DGKB: variants seen among roughly 807,000 people sequenced by gnomAD.
DGKB encodes the protein diacylglycerol kinase beta.
In DGKB, 67 loss-of-function variants were observed where a neutral mutation model predicts 114.3. The observed-to-expected ratio is 0.59, with a 90% CI of 0.48 to 0.72. The LOEUF (loss-of-function observed/expected upper bound fraction) is 0.72. DGKB is among the 30% of genes least tolerant of loss of function. The probability of loss-of-function intolerance (pLI) is 0.00; values close to 1 mark genes in which losing one functional copy is unlikely to be tolerated. For missense variants in DGKB, 907 were observed against 975.2 expected, an observed-to-expected ratio of 0.93 and a Z score of 0.93; for synonymous variants, 398 against 323.1, an observed-to-expected ratio of 1.23 and a Z score of -2.49.
intron 23 of DGKB, among the ~76,000 whole-genome samples, chr7:14,247,359 T>C (rs781112137): frequency 7.2e-5 from 11 of 152,176 alleles, no homozygotes; most frequent in Admixed American, 3.3e-4. Flanking sequence ...CATTTTCTTA[T>C]ATGTACCCAG....
intron 21 of DGKB, among the ~76,000 whole-genome samples, chr7:14,363,094 C>T (rs1445746513): frequency 1.3e-5 from 2 of 152,120 alleles, no homozygotes; most frequent in East Asian, 3.9e-4. Context: ...GAGGGAGACA[C>T]AGTATCCTGG....
chr7:14,941,623 G>A (rs1264454757), intron 1 of DGKB, among the ~76,000 whole-genome samples: 2 of 151,998 alleles, frequency 1.3e-5, no homozygotes, highest in Non-Finnish European at 2.9e-5. Flanking sequence ...ATTAATGAGG[G>A]TGATTTAAAT....
At chr7:14,378,484 A>G (rs1442636579) in intron 21 of DGKB, among the ~76,000 whole-genome samples, 1 of 152,214 alleles carries the variant, frequency 6.6e-6, no homozygotes, top group African/African-American at 2.4e-5. Flanking sequence ...CTGTAAATCT[A>G]AAGTTATTCC....
intron 23 of DGKB, among the ~76,000 whole-genome samples, chr7:14,304,046 A>AAC (rs773102280): frequency 0.04 from 4,531 of 112,694 alleles, 268 homozygotes; most frequent in African/African-American, 0.13. Context: ...GTTCTTATAG[A>AAC]ACACACACAC....
intron 21 of DGKB, among the ~76,000 whole-genome samples, chr7:14,477,360 G>T (rs946700630): frequency 6.6e-6 from 1 of 152,154 alleles, no homozygotes; most frequent in Non-Finnish European, 1.5e-5. Flanking sequence ...CCTTGGCTTT[G>T]AATATTAATA....
chr7:14,494,670 C>T (rs1258581720), intron 20 of DGKB, among the ~76,000 whole-genome samples: 1 of 151,922 alleles, frequency 6.6e-6, no homozygotes, highest in Non-Finnish European at 1.5e-5. Flanking sequence ...ATCACTCATT[C>T]TCTGACATCA....
intron 17 of DGKB, among the ~76,000 whole-genome samples, chr7:14,584,042 A>G (rs1451517185): frequency 1.3e-5 from 2 of 152,248 alleles, no homozygotes; most frequent in East Asian, 3.9e-4. Flanking sequence ...TATTACACAC[A>G]TATTTTCAAC....
chr7:14,862,674 G>A (rs905978325), intron 1 of DGKB, among the ~76,000 whole-genome samples: 2 of 151,802 alleles, frequency 1.3e-5, no homozygotes, highest in African/African-American at 4.8e-5. Flanking sequence ...CCTTATATAC[G>A]GACTAAATGT....
At chr7:14,660,875 A>C (rs916739064) in intron 13 of DGKB, among the ~76,000 whole-genome samples, 1 of 152,034 alleles carries the variant, frequency 6.6e-6, no homozygotes, top group Non-Finnish European at 1.5e-5. Context: ...AATGGAACAG[A>C]ACAGAACCCT....
At chr7:14,160,400 T>A (rs958313077) in intron 25 of DGKB, among the ~76,000 whole-genome samples, 7 of 152,198 alleles carry the variant, frequency 4.6e-5, no homozygotes, top group Admixed American at 2.0e-4. Context: ...CCAAAACTCC[T>A]TAAGCTGATA....
At chr7:14,497,111 T>C (rs1785416677) in intron 20 of DGKB, among the ~76,000 whole-genome samples, 2 of 151,738 alleles carry the variant, frequency 1.3e-5, no homozygotes, top group Non-Finnish European at 2.9e-5. Flanking sequence ...CGCATGTTCT[T>C]ATTTATAAGT....
chr7:14,793,954 C>T (rs2128026915), intron 2 of DGKB, among the ~76,000 whole-genome samples: 1 of 152,150 alleles, frequency 6.6e-6, no homozygotes, highest in African/African-American at 2.4e-5. Context: ...TTGCTTCCTG[C>T]CTGCCTGACT....
chr7:14,283,715 C>T (rs1007699864), intron 23 of DGKB, among the ~76,000 whole-genome samples: 11 of 152,092 alleles, frequency 7.2e-5, no homozygotes, highest in South Asian at 2.1e-4. Flanking sequence ...CGCTGCATAT[C>T]TACAACTATC....
At chr7:14,483,199 AT>A (rs1783253188) in intron 20 of DGKB, among the ~76,000 whole-genome samples, 1 of 152,158 alleles carries the variant, frequency 6.6e-6, no homozygotes, top group African/African-American at 2.4e-5. Context: ...CAAGTTGATG[AT>A]TGATATCGAT....
intron 6 of DGKB, among the ~76,000 whole-genome samples, chr7:14,704,000 A>C (rs1825683803): frequency 6.6e-6 from 1 of 152,076 alleles, no homozygotes; most frequent in Admixed American, 6.5e-5. Flanking sequence ...TATTACCTCT[A>C]AATCGAAAAA....
chr7:14,297,419 T>C (rs62443705), intron 23 of DGKB, among the ~76,000 whole-genome samples: 5,550 of 152,166 alleles, frequency 0.036, 215 homozygotes, highest in East Asian at 0.12. Context: ...TCAATAAACG[T>C]AAACCATCAC....
chr7:14,705,648 G>A (rs1421632040), intron 6 of DGKB, among the ~76,000 whole-genome samples: 1 of 150,276 alleles, frequency 6.7e-6, no homozygotes, highest in Non-Finnish European at 1.5e-5. Context: ...AGAAGAGAGT[G>A]GGGGCCAATA....
intron 21 of DGKB, among the ~76,000 whole-genome samples, chr7:14,456,874 G>C (rs1009996248): frequency 2.6e-5 from 4 of 152,002 alleles, no homozygotes; most frequent in African/African-American, 9.7e-5. Context: ...CTATCAGTGG[G>C]ACAGTTTGTC....
chr7:14,214,032 C>A (rs1788563195), intron 23 of DGKB, among the ~76,000 whole-genome samples: 1 of 152,008 alleles, frequency 6.6e-6, no homozygotes. Flanking sequence ...CCAAGTACTC[C>A]TTATACTTTC....
Sources: gnomAD v4.1 joint callset for allele counts (sites outside exome capture counted in the v4.1 genomes callset) on GRCh38, gnomAD v4.1.1 for gene constraint, MANE v1.5 for transcripts, NCBI Gene and HGNC (gene_info 2026-07-23, HGNC 2026-07-21) for gene names.